The following PLXND1 variants were observed in gnomAD, a reference collection of about 807,000 sequenced individuals.
PLXND1 encodes plexin-D1.
Under a neutral mutation model 197.7 loss-of-function variants are expected in PLXND1, and 54 were observed. The ratio of observed to expected loss-of-function variants is 0.27; its 90% CI spans 0.22 to 0.34. The LOEUF is 0.34. Ranked by LOEUF, PLXND1 falls within the 10% of genes least tolerant of loss-of-function variation. The probability of loss-of-function intolerance (pLI) is 1.00; values close to 1 mark genes in which losing one functional copy is unlikely to be tolerated. For synonymous variants in PLXND1, 1,180 were observed against 1,161.2 expected (o/e 1.02, Z -0.33); for missense variants, 2,127 against 2,699.2 (o/e 0.79, Z 4.70).
chr3:129,573,723 A>C lies in PLXND1; in HGVS notation c.2708T>G (p.Leu903Trp). 1 of 1,613,648 alleles carries C rather than the reference A, an allele frequency of 6.2e-7. No individual in the cohort carries two copies. Among genetic ancestry groups the C allele is most frequent in the South Asian group, 1.1e-5 (1 of 91,048 alleles). The change falls in exon 13 of 36, where the codon TTG (leucine) becomes TGG (tryptophan). Residue 903 changes from leucine to tryptophan, a missense_variant. Coordinates refer to ENST00000324093, the MANE Select transcript of PLXND1 (RefSeq NM_015103.3). ...GATGGTCAGCAGGGTCCCACCGTCC[A>C]ACGGGCCACTCAGGGGCTCAATCTG... is the stretch of plus-strand genomic sequence containing the variant. ...IHAIEPLSGP[L>W]DGGTLLTIRG... is the part of the protein sequence containing the mutation.
At chr3:129,589,310 T>TGCCCCCCCCCCCCCCCCCCCCCCAAC in intron 2 of PLXND1, 41 bp downstream of exon 2, 3 of 501,292 alleles carry the variant, frequency 6.0e-6, no homozygotes, top group Non-Finnish European at 7.6e-6. Flanking sequence ...CAGGGGAGCC[T>TGCCCCCCCCCCCCCCCCCCCCCCAAC]CCCACCCCCA....
Position 129,556,420 on chromosome 3 carries a change from G to T in PLXND1, c.5670C>A (p.Ala1890=). Residue 1890 remains alanine (A), a synonymous_variant, in exon 36 of 36, where the codon GCC becomes GCA. Transcript: ENST00000324093. The stretch of plus-strand genomic sequence containing the variant: ...GGGCCGTGGGGTTGGCCTCCAGCGC[G>T]GCCATGATCTGAGGGGAGCAGCGGA... ...YAKRYRPQIM[A]ALEANPTARR... is the part of the protein sequence containing the mutation. 1.2e-6 allele frequency: 2 copies of T among 1,613,716 alleles called. No homozygotes were observed. The highest frequency in any genetic ancestry group is 1.6e-4 in the Middle Eastern group (1 of 6,062).
In PLXND1 at chr3:129,559,797, G is replaced by A. The variant is rs2085031079; in HGVS notation, c.5134-14C>T. ...CTGCAACGTGCCCTGCGGGGGAGTG[G>A]GGTGGCCGCCGTCAGCCCCGGGCCA... On this transcript the variant is annotated splice_polypyrimidine_tract_variant and intron_variant, in intron 31 of 35. Transcript: ENST00000324093. The A allele has an allele frequency of 3.8e-6, 6 of 1,577,950 alleles. No individual in the cohort carries two copies. Among genetic ancestry groups the A allele is most frequent in the Non-Finnish European group, 5.2e-6 (6 of 1,160,528 alleles).
chr3:129,580,369 C>A (rs534234050), intron 8 of PLXND1, among the ~76,000 whole-genome samples: 3 of 152,184 alleles, frequency 2.0e-5, no homozygotes, highest in Non-Finnish European at 4.4e-5. Context: ...GCGGCGGGCC[C>A]CCTGCAGACC....
chr3:129,601,536 C>G (rs2108806420), intron 1 of PLXND1, among the ~76,000 whole-genome samples: 1 of 152,294 alleles, frequency 6.6e-6, no homozygotes, highest in African/African-American at 2.4e-5. Flanking sequence ...TCATTCGGCC[C>G]TGGGGTCCTG....
chr3:129,560,732 G>C lies in PLXND1; in HGVS notation c.4994-9C>G, dbSNP rs1204639975. 2 of 1,551,458 alleles carry C rather than the reference G, an allele frequency of 1.3e-6. No individual in the cohort carries two copies. Among genetic ancestry groups the C allele is most frequent in the South Asian group, 2.2e-5 (2 of 89,548 alleles). On this transcript the variant is annotated splice_polypyrimidine_tract_variant and intron_variant, in intron 29 of 35. Transcript: ENST00000324093. ...TGTGTCCAAGTCTTTCACTGTGAGA[G>C]GAAAAACACAATAAATAAACACGGG...
Position 129,557,952 on chromosome 3 carries a change from G to A in PLXND1, c.5445+476C>T, listed in dbSNP as rs991260155. 6.6e-6 allele frequency among the ~76,000 whole-genome samples: 1 copy of A among 152,210 alleles called. No homozygotes were observed. The highest frequency in any genetic ancestry group is 1.5e-5 in the Non-Finnish European group (1 of 68,046). ...TCTTCAACCTCTAAAGCCAGACACA[G>A]CCTTGTGTGCCCCCAACACACCGCA... On this transcript the variant is annotated intron_variant, in intron 33 of 35. Transcript: ENST00000324093. The surrounding 1 kb of genome is among the most constrained non-coding windows in gnomAD (Gnocchi z 4.8).
chr3:129,565,271 T>C, intron 25 of PLXND1, 69 bp downstream of exon 25: 1 of 1,360,698 alleles, frequency 7.3e-7, no homozygotes, highest in Non-Finnish European at 1.0e-6. Context: ...TGGGAGGCCG[T>C]GGGGTCACTG....
Position 129,566,574 on chromosome 3 carries a change from C to T in PLXND1, c.4144G>A (p.Gly1382Ser). Residue 1382 changes from glycine (G) to serine (S), a missense_variant, in exon 23 of 36, where the codon GGC (glycine) becomes AGC (serine). Physicochemically the swap from Gly to Ser is moderately conservative, Grantham distance 56. Coordinates refer to ENST00000324093, the MANE Select transcript of PLXND1 (RefSeq NM_015103.3). Reference protein sequence around the residue: ...VLPSQTLNSQGSSQAQETHPL... With the variant: ...VLPSQTLNSQSSSQAQETHPL... ...TGGGTTTCCTGTGCCTGGGAGCTGC[C>T]CTGGGAGTTGAGGGTCTGGGAGGGC... is the stretch of plus-strand genomic sequence containing the variant. 6.2e-7 allele frequency: 1 copy of T among 1,613,584 alleles called. No homozygotes were observed. Among genetic ancestry groups the T allele is most frequent in the Non-Finnish European group, 8.5e-7 (1 of 1,179,662 alleles).
intron 32 of PLXND1, 197 bp downstream of exon 32, chr3:129,559,423 A>G (rs2085024346): frequency 3.8e-6 from 2 of 529,522 alleles, no homozygotes; most frequent in Non-Finnish European, 3.3e-6. Flanking sequence ...TCCCACCATT[A>G]ACATGGGTCG....
At position 129,558,696 on chromosome 3, in the gene PLXND1, A is replaced by T; in HGVS notation, c.5298-121T>A. On this transcript the variant is annotated intron_variant, in intron 32 of 35. Coordinates refer to ENST00000324093, the MANE Select transcript of PLXND1 (RefSeq NM_015103.3). The surrounding 1 kb of genome is among the most constrained non-coding windows in gnomAD (Gnocchi z 4.1). ...GGCCTGAGGTTGGAGCCTTGTCACA[A>T]GATGTGACCTTTGGGAACCTTAGTT... The T allele has an allele frequency of 1.0e-6, 1 of 978,844 alleles. No homozygotes were observed. The highest frequency in any genetic ancestry group is 1.5e-6 in the Non-Finnish European group (1 of 657,404). 60.6% of individuals were successfully genotyped at this position (978,844 alleles called of 1,614,324 possible). A position where few individuals can be genotyped will look rare whatever the true frequency, so the allele number is the denominator to read the frequency against.
At chr3:129,582,539 G>A (rs987027662) in intron 8 of PLXND1, among the ~76,000 whole-genome samples, 4 of 152,190 alleles carry the variant, frequency 2.6e-5, no homozygotes, top group Non-Finnish European at 4.4e-5. Context: ...CCTGATACGC[G>A]CCAGGTCTGA....
intron 1 of PLXND1, among the ~76,000 whole-genome samples, chr3:129,593,942 T>A (rs975678389): frequency 6.6e-6 from 1 of 152,172 alleles, no homozygotes; most frequent in Admixed American, 6.5e-5. Context: ...CACTCTCCCA[T>A]TAAAACTCTG....
Position 129,575,514 on chromosome 3 carries a change from T to G in PLXND1, c.2485A>C (p.Lys829Gln). The change falls in exon 11 of 36, where the codon AAG becomes CAG. Residue 829 changes from lysine (K) to glutamine (Q), a missense_variant. By Grantham distance (53) the Lys-to-Gln change is moderately conservative (BLOSUM62 1). Transcript: ENST00000324093. The part of the protein sequence containing the change: ...SQVFPLSLQL[K>Q]GRPARFLDSP... ...TCCAGGAATCGGGCTGGCCGCCCCT[T>G]TAGTTGGAGGCTGAGCGGGAACACC... 1 of 1,556,972 alleles carries G rather than the reference T, an allele frequency of 6.4e-7. No homozygotes were observed. The highest frequency in any genetic ancestry group is 8.7e-7 in the Non-Finnish European group (1 of 1,149,694).
At chr3:129,556,545 C>G (rs2084976210) in intron 35 of PLXND1, 72 bp downstream of exon 35, 3 of 1,355,656 alleles carry the variant, frequency 2.2e-6, no homozygotes, top group Non-Finnish European at 3.2e-6. Flanking sequence ...GGGGCAAGCA[C>G]CCTGAGATGT....
chr3:129,556,790 C>A (rs1026178424), intron 34 of PLXND1, 99 bp from the exon 35 acceptor site: 3 of 871,674 alleles, frequency 3.4e-6, no homozygotes, highest in Non-Finnish European at 5.6e-6. Context: ...CAACTCCCCA[C>A]GGCCCCCACA....
Position 129,557,054 on chromosome 3 carries a change from C to A in PLXND1, c.5586+29G>T, listed in dbSNP as rs2084984991. ...CCCCCGATCCCTCAGCTCTTCAGGC[C>A]CCCATCCCCCGCCGCCGAGCCACCG... On this transcript the variant is annotated intron_variant, in intron 34 of 35. Coordinates refer to ENST00000324093, the MANE Select transcript of PLXND1 (RefSeq NM_015103.3). The surrounding 1 kb of genome is among the most constrained non-coding windows in gnomAD (Gnocchi z 4.8). The A allele has an allele frequency of 1.2e-6, 2 of 1,611,218 alleles. No homozygotes were observed. The highest frequency in any genetic ancestry group is 2.2e-5 in the East Asian group (1 of 44,882).
intron 1 of PLXND1, among the ~76,000 whole-genome samples, chr3:129,597,494 T>A (rs2085644206): frequency 6.8e-6 from 1 of 147,018 alleles, no homozygotes; most frequent in South Asian, 2.2e-4. Flanking sequence ...CCCCCCCCCA[T>A]TATTTACCGA....
Position 129,558,675 on chromosome 3 carries a change from T to C in PLXND1, c.5298-100A>G. 8.3e-7 allele frequency: 1 copy of C among 1,198,458 alleles called. No individual in the cohort carries two copies. Among genetic ancestry groups the C allele is most frequent in the Non-Finnish European group, 1.2e-6 (1 of 837,544 alleles). The allele number at this position is 1,198,458 out of a possible 1,614,324, so 74.2% of individuals were successfully genotyped here. On this transcript the variant is annotated intron_variant, in intron 32 of 35. Coordinates refer to ENST00000324093, the MANE Select transcript of PLXND1 (RefSeq NM_015103.3). This position sits in a 1 kb window ranked among gnomAD's most constrained non-coding sequence, Gnocchi z 4.1. ...GAGCTGGCTTTGTCCCTCAAGGGCC[T>C]GAGGTTGGAGCCTTGTCACAAGATG...
Sources: gnomAD v4.1 joint callset for allele counts (sites outside exome capture counted in the v4.1 genomes callset) on GRCh38, gnomAD v4.1.1 for gene constraint, Gnocchi (gnomAD v3.1) non-coding constraint, MANE v1.5 for transcripts, NCBI Gene and HGNC (gene_info 2026-07-23, HGNC 2026-07-21) for gene names.